Variants in SLC4A10 observed in about 807,000 individuals in gnomAD.
SLC4A10 encodes sodium-driven chloride bicarbonate exchanger.
A neutral mutation model predicts 137.7 loss-of-function variants in SLC4A10; 42 were observed. The ratio of observed to expected loss-of-function variants is 0.30; its 90% confidence interval spans 0.24 to 0.39. SLC4A10 has a LOEUF of 0.39. SLC4A10 is among the 10% of genes least tolerant of loss of function. The probability of loss-of-function intolerance (pLI) is 1.00; values close to 1 mark genes in which losing one functional copy is unlikely to be tolerated. For missense variants in SLC4A10, 925 were observed against 1,355.0 expected (o/e 0.68, Z 4.98); for synonymous variants, 474 against 464.1 (o/e 1.02, Z -0.27).
chr2:161,728,222 A>G (rs1206044959), intron 1 of SLC4A10, among the ~76,000 whole-genome samples: 1 of 152,238 alleles, frequency 6.6e-6, no homozygotes, highest in Non-Finnish European at 1.5e-5. Context: ...TAAATTGAAT[A>G]GTCCTATAAC....
chr2:161,672,318 TAA>T (rs916379159), intron 1 of SLC4A10, among the ~76,000 whole-genome samples: 2 of 152,154 alleles, frequency 1.3e-5, no homozygotes, highest in Admixed American at 1.3e-4. Flanking sequence ...GAGAAATATC[TAA>T]AGAGTGACTT....
intron 1 of SLC4A10, among the ~76,000 whole-genome samples, chr2:161,698,401 G>A (rs960317789): frequency 6.6e-6 from 1 of 152,286 alleles, no homozygotes; most frequent in African/African-American, 2.4e-5. Context: ...CAAAGGGAAT[G>A]CTTCCAGTTT....
intron 15 of SLC4A10, among the ~76,000 whole-genome samples, chr2:161,932,820 A>G (rs914895521): frequency 1.3e-5 from 2 of 152,104 alleles, no homozygotes; most frequent in African/African-American, 2.4e-5. Context: ...CTTTAATGCC[A>G]TTTCTTGAGA....
chr2:161,647,894 G>A (rs1426649543), intron 1 of SLC4A10, among the ~76,000 whole-genome samples: 1 of 152,162 alleles, frequency 6.6e-6, no homozygotes, highest in East Asian at 1.9e-4. Flanking sequence ...TTCACTACTA[G>A]TACTCGCTGC....
At position 161,964,769 on chromosome 2, in the gene SLC4A10, A is replaced by T. The variant is rs553162426; in HGVS notation, c.3037-282A>T. 2.0e-5 allele frequency among the ~76,000 whole-genome samples: 3 copies of T among 152,168 alleles called. No individual in the cohort carries two copies. The South Asian group carries it at 6.2e-4, about 31-fold the overall frequency. On this transcript the variant is annotated intron_variant, in intron 22 of 26. Transcript: ENST00000446997. ...ATAGTATAAACTATTAACTACATGT[A>T]TTTAAGGAAACATAGTCAAATACAT...
intron 2 of SLC4A10, among the ~76,000 whole-genome samples, chr2:161,780,262 C>A (rs1387415173): frequency 1.3e-5 from 2 of 151,912 alleles, no homozygotes; most frequent in African/African-American, 2.4e-5. Flanking sequence ...TCCACATAAC[C>A]AGATTAATCA....
rs142111756 is a variant in SLC4A10 at position 161,867,277 on chromosome 2, T to C, written c.766+4215T>C. Reference sequence around the variant, plus strand: ...ACTTTTAATTTTCAGATGCATGCTGTCTTTACGTATTTAGATATATATGCT... The same window carrying C: ...ACTTTTAATTTTCAGATGCATGCTGCCTTTACGTATTTAGATATATATGCT... On this transcript the variant is annotated intron_variant, in intron 6 of 26. Coordinates refer to ENST00000446997, the MANE Select transcript of SLC4A10 (RefSeq NM_001178015.2). Among the ~76,000 whole-genome samples, 19 of 152,116 alleles carry C rather than the reference T, an allele frequency of 1.2e-4. No homozygotes were observed. In the East Asian group the frequency reaches 3.3e-3, roughly 26 times the overall value.
intron 2 of SLC4A10, among the ~76,000 whole-genome samples, chr2:161,800,264 A>T (rs1211864257): frequency 6.6e-6 from 1 of 152,074 alleles, no homozygotes; most frequent in South Asian, 2.1e-4. Flanking sequence ...TTGCTAAAAA[A>T]TTGTGGCTAT....
At chr2:161,815,322 A>G (rs2056944183) in intron 3 of SLC4A10, among the ~76,000 whole-genome samples, 2 of 151,974 alleles carry the variant, frequency 1.3e-5, no homozygotes, top group African/African-American at 4.8e-5. Flanking sequence ...ATGGTGAGTG[A>G]TTTCTCATGA....
rs149019404 is a variant in SLC4A10 at position 161,717,278 on chromosome 2, G to A, written c.49-53695G>A. Among the ~76,000 whole-genome samples, 960 of 152,104 alleles carry A rather than the reference G, an allele frequency of 6.3e-3. 11 individuals carry two copies. The highest frequency in any genetic ancestry group is 0.022 in the African/African-American group (916 of 41,518). ...ATTTCTTCTCTTTCTATTTGAATAC[G>A]CTTTATTTATTTCTCTTTGCCTGAT... On this transcript the variant is annotated intron_variant, in intron 1 of 26. Coordinates refer to ENST00000446997, the MANE Select transcript of SLC4A10 (RefSeq NM_001178015.2).
chr2:161,790,094 A>G (rs1315182169), intron 2 of SLC4A10, among the ~76,000 whole-genome samples: 2 of 152,216 alleles, frequency 1.3e-5, no homozygotes, highest in African/African-American at 2.4e-5. Context: ...AGACTTGTAC[A>G]TATTTATTGA....
chr2:161,923,565 A>G lies in SLC4A10; in HGVS notation c.1997+17678A>G, dbSNP rs151003421. 5.6e-3 allele frequency among the ~76,000 whole-genome samples: 850 copies of G among 152,238 alleles called. 30 individuals carry two copies. In the East Asian group the frequency reaches 0.084, roughly 15 times the overall value. On this transcript the variant is annotated intron_variant, in intron 15 of 26. Transcript: ENST00000446997. Reference sequence around the variant, plus strand: ...TGGAAACCATCATTCTCAGCAAACTATCGCGAGGACAAAAAACCAAACACT... The same window carrying G: ...TGGAAACCATCATTCTCAGCAAACTGTCGCGAGGACAAAAAACCAAACACT...
chr2:161,746,240 G>A (rs1342181721), intron 1 of SLC4A10, among the ~76,000 whole-genome samples: 1 of 152,014 alleles, frequency 6.6e-6, no homozygotes, highest in African/African-American at 2.4e-5. Context: ...TGGGTTTGGA[G>A]GTTTAGGAAT....
rs749119455 is a variant in SLC4A10, at chr2:161,976,743, G to C, written c.3228-17G>C. The C allele has an allele frequency of 2.2e-6, 3 of 1,344,552 alleles. No individual in the cohort carries two copies. The highest frequency in any genetic ancestry group is 3.0e-6 in the Non-Finnish European group (3 of 991,548). The allele number at this position is 1,344,552 out of a possible 1,614,324, so 83.3% of individuals were successfully genotyped here. ...TATGTAATGTTTATTATTTCATTTG[G>C]GGAAACTCCTGTCTAGAGATGATCC... On this transcript the variant is annotated splice_polypyrimidine_tract_variant and intron_variant, in intron 24 of 26. Transcript: ENST00000446997.
chr2:161,666,061 A>G (rs1199353378), intron 1 of SLC4A10, among the ~76,000 whole-genome samples: 5 of 151,128 alleles, frequency 3.3e-5, no homozygotes, highest in Admixed American at 6.6e-5. Flanking sequence ...ATAAGTGAAC[A>G]TATATATTCT....
chr2:161,905,612 T>C (rs556142130), intron 14 of SLC4A10, 30 bp from the exon 15 acceptor site: 1 of 1,549,030 alleles, frequency 6.5e-7, no homozygotes, highest in African/African-American at 1.4e-5. Context: ...TGACCTTCTT[T>C]TCACTGTTCT....
At chr2:161,644,884 T>C (rs944838572) in intron 1 of SLC4A10, among the ~76,000 whole-genome samples, 1 of 152,200 alleles carries the variant, frequency 6.6e-6, no homozygotes, top group Admixed American at 6.5e-5. Flanking sequence ...AATTTATTTA[T>C]TAAAACATTT....
At chr2:161,664,648 T>C (rs901503812) in intron 1 of SLC4A10, among the ~76,000 whole-genome samples, 3 of 151,736 alleles carry the variant, frequency 2.0e-5, no homozygotes, top group Non-Finnish European at 4.4e-5. Flanking sequence ...TATTAGGACT[T>C]AGAATGAAAA....
intron 1 of SLC4A10, among the ~76,000 whole-genome samples, chr2:161,678,801 C>CT (rs2040539256): frequency 6.6e-6 from 1 of 152,010 alleles, no homozygotes; most frequent in Admixed American, 6.6e-5. Flanking sequence ...GTGGTTTACT[C>CT]TTTTTTCTAT....
Sources: allele counts gnomAD v4.1 joint callset (sites outside exome capture counted in the v4.1 genomes callset), GRCh38; gene constraint gnomAD v4.1.1; transcripts MANE v1.5; gene names NCBI Gene and HGNC (gene_info 2026-07-23, HGNC 2026-07-21).